The following ABI2 variants were observed in gnomAD, a reference collection of about 807,000 sequenced individuals.
The protein encoded by ABI2 is abelson interactor 2.
In ABI2, 25 loss-of-function variants were observed where a neutral mutation model predicts 59.2. The ratio of observed to expected loss-of-function variants is 0.42; its 90% CI spans 0.31 to 0.59. The LOEUF is 0.59. ABI2 is among the 20% of genes least tolerant of loss of function. ABI2 has a pLI of 0.14. For synonymous variants in ABI2, 213 were observed against 235.5 expected, an observed-to-expected ratio of 0.90 and a Z score of 0.87; for missense variants, 545 against 681.8, an observed-to-expected ratio of 0.80 and a Z score of 2.23.
At chr2:203,414,610 C>T (rs773372340) in intron 10 of ABI2, among the ~76,000 whole-genome samples, 3 of 152,228 alleles carry the variant, frequency 2.0e-5, no homozygotes, top group Non-Finnish European at 4.4e-5. Context: ...TCGTTCATGT[C>T]TTCATGACTT....
At chr2:203,329,677 TCA>T (rs1026911140) in intron 1 of ABI2, among the ~76,000 whole-genome samples, 12 of 152,026 alleles carry the variant, frequency 7.9e-5, no homozygotes, top group Admixed American at 2.0e-4. Flanking sequence ...AACTGTTTCT[TCA>T]CAGTCTTTTT....
intron 10 of ABI2, among the ~76,000 whole-genome samples, chr2:203,414,120 TG>T (rs749478520): frequency 7.3e-4 from 78 of 106,354 alleles, no homozygotes; most frequent in Non-Finnish European, 2.6e-4. Context: ...TTTTTTTTTT[TG>T]GAGACAGTCT....
At chr2:203,329,397 T>C (rs2071272955) in intron 1 of ABI2, among the ~76,000 whole-genome samples, 1 of 145,214 alleles carries the variant, frequency 6.9e-6, no homozygotes, top group African/African-American at 2.5e-5. Flanking sequence ...CAAGGGCTGA[T>C]AGTGGTAGGG....
In ABI2 at chr2:203,368,984, A is replaced by AATTTTT. The variant is rs1312712237; in HGVS notation, c.285+1940_285+1941insATTTTT. Among the ~76,000 whole-genome samples the AATTTTT allele has an allele frequency of 1.1e-4, 10 of 91,118 alleles. 4 individuals carry two copies. The highest frequency in any genetic ancestry group is 1.3e-4 in the African/African-American group (3 of 22,452). 59.8% of individuals were successfully genotyped at this position (91,118 alleles called of 152,430 possible). On this transcript the variant is annotated intron_variant, in intron 2 of 11. Coordinates refer to ENST00000261018, the MANE Select transcript of ABI2 (RefSeq NM_001375670.1). ...TACAGGCACGTGCCATGCTTGGCTG[A>AATTTTT]TTTTTTTTTTTTTTTTTTTTTTTTT...
At chr2:203,415,103 A>G (rs2097839231) in intron 10 of ABI2, among the ~76,000 whole-genome samples, 1 of 152,218 alleles carries the variant, frequency 6.6e-6, no homozygotes, top group Non-Finnish European at 1.5e-5. Context: ...TGGAAATAGG[A>G]TAAATTTCTC....
chr2:203,420,615 A>G (rs1223151856), intron 11 of ABI2, among the ~76,000 whole-genome samples: 2 of 151,920 alleles, frequency 1.3e-5, no homozygotes, highest in Non-Finnish European at 2.9e-5. Context: ...GGATGGTCTC[A>G]ATCTCCTGAC....
chr2:203,402,423 C>T (rs28641947), intron 8 of ABI2, among the ~76,000 whole-genome samples, 153 bp from the exon 9 acceptor site: 1 of 152,164 alleles, frequency 6.6e-6, no homozygotes, highest in Non-Finnish European at 1.5e-5. Context: ...ATAATATCAG[C>T]GAACAATAAC....
At chr2:203,374,024 T>C (rs1227823430) in intron 2 of ABI2, among the ~76,000 whole-genome samples, 1 of 151,788 alleles carries the variant, frequency 6.6e-6, no homozygotes, top group Non-Finnish European at 1.5e-5. Flanking sequence ...CCAGGTGTGG[T>C]GGTGCACACT....
intron 5 of ABI2, among the ~76,000 whole-genome samples, chr2:203,391,656 A>G (rs2096744880): frequency 6.6e-6 from 1 of 152,036 alleles, no homozygotes; most frequent in African/African-American, 2.4e-5. Context: ...CCCTGTCTCT[A>G]CGAAAAATAC....
At chr2:203,343,399 T>G (rs2152545054) in intron 1 of ABI2, among the ~76,000 whole-genome samples, 1 of 152,310 alleles carries the variant, frequency 6.6e-6, no homozygotes, top group Admixed American at 6.5e-5. Context: ...CAGGTTAGTT[T>G]GTGGTACAAA....
intron 1 of ABI2, among the ~76,000 whole-genome samples, chr2:203,342,794 A>G (rs368336155): frequency 6.6e-6 from 1 of 152,068 alleles, no homozygotes; most frequent in Non-Finnish European, 1.5e-5. Context: ...AGAGCAGGCT[A>G]GGTTGACAAA....
intron 10 of ABI2, among the ~76,000 whole-genome samples, chr2:203,412,365 C>T (rs2097713526): frequency 6.6e-6 from 1 of 152,134 alleles, no homozygotes; most frequent in African/African-American, 2.4e-5. Flanking sequence ...CTGTAGCTGA[C>T]CAAATGCCCC....
intron 4 of ABI2, among the ~76,000 whole-genome samples, chr2:203,388,913 C>G (rs2096636597): frequency 6.6e-6 from 1 of 152,068 alleles, no homozygotes; most frequent in African/African-American, 2.4e-5. Context: ...TAAATTCCTG[C>G]TCCTTTTCCT....
Position 203,380,347 on chromosome 2 carries a change from A to T in ABI2, c.425A>T (p.Asp142Val), listed in dbSNP as rs1225978378. ...GTTCGTTATATTAGAAAACCTATTG[A>T]CTATACAATTCTAGATGATATTGGA... Reference protein sequence around the residue: ...RPVRYIRKPIDYTILDDIGHG... With the variant: ...RPVRYIRKPIVYTILDDIGHG... Residue 142 changes from aspartate (D) to valine (V), a missense_variant, in exon 3 of 12, where the codon GAC becomes GTC. Around this residue, in one of 4 missense-constraint regions of ABI2, gnomAD observed 410 missense variants for 435.6 expected, o/e 0.94. Transcript: ENST00000261018. 1 of 1,593,990 alleles carries T rather than the reference A, an allele frequency of 6.3e-7. No individual in the cohort carries two copies. The highest frequency in any genetic ancestry group is 1.4e-5 in the African/African-American group (1 of 73,812).
At chr2:203,384,746 A>G (rs997081015) in intron 4 of ABI2, among the ~76,000 whole-genome samples, 6 of 152,140 alleles carry the variant, frequency 3.9e-5, no homozygotes, top group Non-Finnish European at 7.3e-5. Context: ...TAAAATAAGC[A>G]TATTAGTTTA....
chr2:203,330,526 C>T (rs1281521576), intron 1 of ABI2, among the ~76,000 whole-genome samples: 2 of 151,944 alleles, frequency 1.3e-5, no homozygotes, highest in South Asian at 4.2e-4. Flanking sequence ...AAATTAATAC[C>T]ATGTAGTTAA....
Position 203,417,022 on chromosome 2 carries a change from A to T in ABI2, c.1394A>T (p.Tyr465Phe). ...GAGGAGGAAGCTGCTGTGGTTGAGTATAGTGATCCTTATGCTGAAGAGGAC... is the reference window on the plus strand; with the variant it reads ...GAGGAGGAAGCTGCTGTGGTTGAGTTTAGTGATCCTTATGCTGAAGAGGAC... ...YEEEEAAVVE[Y>F]SDPYAEEDPP... Residue 465 changes from tyrosine to phenylalanine, a missense_variant, in exon 11 of 12, where the codon TAT becomes TTT. Coordinates refer to ENST00000261018, the MANE Select transcript of ABI2 (RefSeq NM_001375670.1). 1 of 1,614,172 alleles carries T rather than the reference A, an allele frequency of 6.2e-7. No homozygotes were observed. The highest frequency in any genetic ancestry group is 8.5e-7 in the Non-Finnish European group (1 of 1,180,024).
intron 1 of ABI2, among the ~76,000 whole-genome samples, chr2:203,359,812 A>C (rs1559212906): frequency 6.7e-6 from 1 of 149,482 alleles, no homozygotes; most frequent in East Asian, 1.9e-4. Flanking sequence ...TAATACCATC[A>C]ACATCAGTGT....
intron 11 of ABI2, among the ~76,000 whole-genome samples, chr2:203,419,442 C>T (rs2098091427): frequency 1.3e-5 from 2 of 151,272 alleles, no homozygotes; most frequent in Non-Finnish European, 2.9e-5. Flanking sequence ...GATCCTGGCT[C>T]ACTGCAAGCT....
Sources: allele counts gnomAD v4.1 joint callset (sites outside exome capture counted in the v4.1 genomes callset), GRCh38; gene constraint gnomAD v4.1.1; regional missense constraint gnomAD v4.1.1; transcripts MANE v1.5; gene names NCBI Gene and HGNC (gene_info 2026-07-23, HGNC 2026-07-21).